Variants in PHF2 observed in about 807,000 individuals in gnomAD.
PHF2 encodes PHD finger protein 2, also known as lysine-specific demethylase PHF2.
Under a neutral mutation model 120.5 loss-of-function variants are expected in PHF2, and 27 were observed. The ratio of observed to expected loss-of-function variants is 0.22; its 90% CI spans 0.17 to 0.31. PHF2 has a LOEUF of 0.31. PHF2 is among the 10% of genes least tolerant of loss of function. The probability of loss-of-function intolerance (pLI) is 1.00; values close to 1 mark genes in which losing one functional copy is unlikely to be tolerated. For synonymous variants in PHF2, 568 were observed against 592.5 expected, an observed-to-expected ratio of 0.96 and a Z score of 0.60; for missense variants, 1,024 against 1,434.8, an observed-to-expected ratio of 0.71 and a Z score of 4.63.
intron 12 of PHF2, 83 bp downstream of exon 12, chr9:93,660,643 T>G: frequency 7.6e-7 from 1 of 1,307,686 alleles, no homozygotes; most frequent in South Asian, 1.6e-5. Context: ...TGGAGATAGC[T>G]AGGGCCCATT....
chr9:93,665,918 C>T (rs1016175316), intron 15 of PHF2, 54 bp downstream of exon 15: 19 of 1,612,036 alleles, frequency 1.2e-5, no homozygotes, highest in South Asian at 5.5e-5. Context: ...CATCCTGCCC[C>T]GGAGAGGTCT....
At position 93,656,458 on chromosome 9, in the gene PHF2, G is replaced by A. The variant is rs772196725; in HGVS notation, c.1041-31G>A. ...CAGCGTCGCCTGCTTGATGGTCAGTGCACTGAGAACTGCTCTTTGGTGGCT... is the reference window on the plus strand; with the variant it reads ...CAGCGTCGCCTGCTTGATGGTCAGTACACTGAGAACTGCTCTTTGGTGGCT... On this transcript the variant is annotated intron_variant, in intron 8 of 21. Coordinates refer to ENST00000359246, the MANE Select transcript of PHF2 (RefSeq NM_005392.4). This position sits in a 1 kb window ranked among gnomAD's most constrained non-coding sequence, Gnocchi z 4.1. The A allele has an allele frequency of 6.8e-7, 1 of 1,473,726 alleles. No individual in the cohort carries two copies. The highest frequency in any genetic ancestry group is 1.1e-5 in the South Asian group (1 of 88,166). 91.3% of individuals were successfully genotyped at this position (1,473,726 alleles called of 1,614,324 possible).
chr9:93,663,799 CAT>C (rs920966481), intron 14 of PHF2, among the ~76,000 whole-genome samples, 164 bp downstream of exon 14: 4 of 152,110 alleles, frequency 2.6e-5, no homozygotes, highest in Non-Finnish European at 5.9e-5. Flanking sequence ...CACACACAAC[CAT>C]ACACACTGCA....
chr9:93,597,661 G>C (rs1288241028), intron 1 of PHF2, among the ~76,000 whole-genome samples: 1 of 152,152 alleles, frequency 6.6e-6, no homozygotes, highest in African/African-American at 2.4e-5. Context: ...GAGGAGCCTG[G>C]TGTAGTCCTG....
chr9:93,673,949 C>T, intron 18 of PHF2, 87 bp downstream of exon 18: 1 of 1,398,630 alleles, frequency 7.1e-7, no homozygotes, highest in Non-Finnish European at 9.6e-7. Context: ...AAACATGCAG[C>T]TCTCCAAGTT....
intron 1 of PHF2, among the ~76,000 whole-genome samples, chr9:93,582,350 T>C (rs938889289): frequency 1.3e-5 from 2 of 152,148 alleles, no homozygotes; most frequent in Non-Finnish European, 2.9e-5. Flanking sequence ...GGAAATGTAG[T>C]CACAGAGGAA....
chr9:93,594,871 T>C (rs1825303217), intron 1 of PHF2: 1 of 153,718 alleles, frequency 6.5e-6, no homozygotes, highest in African/African-American at 2.4e-5. Flanking sequence ...CTATTGGTTT[T>C]AATGGCAGTT....
intron 3 of PHF2, among the ~76,000 whole-genome samples, chr9:93,641,590 C>T (rs1244433446): frequency 6.6e-6 from 1 of 152,190 alleles, no homozygotes; most frequent in Non-Finnish European, 1.5e-5. Flanking sequence ...CATGTTGGAG[C>T]TGAAACCAGA....
intron 1 of PHF2, among the ~76,000 whole-genome samples, chr9:93,597,318 C>T (rs1825353897): frequency 6.6e-6 from 1 of 152,152 alleles, no homozygotes; most frequent in African/African-American, 2.4e-5. Flanking sequence ...GGTCTTTGGT[C>T]TTAGCTTCTC....
Position 93,676,262 on chromosome 9 carries a change from C to T in PHF2, c.2833-332C>T, listed in dbSNP as rs527675712. On this transcript the variant is annotated intron_variant, in intron 20 of 21. Coordinates refer to ENST00000359246, the MANE Select transcript of PHF2 (RefSeq NM_005392.4). ...AACCAGGCCCAACCTCATCTGGGCACACAAGGAAGTTATTAGGATCAAAGT... is the reference window on the plus strand; with the variant it reads ...AACCAGGCCCAACCTCATCTGGGCATACAAGGAAGTTATTAGGATCAAAGT... Among the ~76,000 whole-genome samples the T allele has an allele frequency of 3.9e-3, 588 of 152,338 alleles. 2 individuals carry two copies. The highest frequency in any genetic ancestry group is 5.9e-3 in the Admixed American group (90 of 15,308).
At chr9:93,617,010 G>A (rs1416711423) in intron 1 of PHF2, among the ~76,000 whole-genome samples, 1 of 152,142 alleles carries the variant, frequency 6.6e-6, no homozygotes, top group Non-Finnish European at 1.5e-5. Context: ...TACATTAAAT[G>A]AATGTTCTTA....
chr9:93,669,283 C>A (rs529101112), intron 17 of PHF2, among the ~76,000 whole-genome samples: 1 of 152,314 alleles, frequency 6.6e-6, no homozygotes, highest in Non-Finnish European at 1.5e-5. Context: ...CAGGGCCTGC[C>A]AGAGGATGCA....
rs1326772432 is a variant in PHF2, at chr9:93,609,159, A to C, written c.99-20811A>C. ...CCAAGTCCTCTTTCAAATACTTAGC[A>C]CTCTATGGGTAGAGCAAGAAATAGT... On this transcript the variant is annotated intron_variant, in intron 1 of 21. Transcript: ENST00000359246. Among the ~76,000 whole-genome samples, 4 of 146,398 alleles carry C rather than the reference A, an allele frequency of 2.7e-5. No individual in the cohort carries two copies. In the East Asian group the frequency reaches 8.0e-4, roughly 29 times the overall value.
At chr9:93,648,926 C>T in intron 4 of PHF2, 145 bp from the exon 5 acceptor site, 2 of 805,424 alleles carry the variant, frequency 2.5e-6, no homozygotes, top group Non-Finnish European at 3.9e-6. Context: ...TCGACGTTGG[C>T]ACCTAGAGCC....
intron 1 of PHF2, among the ~76,000 whole-genome samples, chr9:93,599,204 A>G (rs4744257): frequency 0.69 from 104,457 of 152,062 alleles, 36,331 homozygotes; most frequent in South Asian, 0.77. Context: ...TGGGTTCCGA[A>G]GAAGGCCTGC....
intron 1 of PHF2, among the ~76,000 whole-genome samples, chr9:93,604,256 C>T (rs938059608): frequency 4.6e-5 from 7 of 151,392 alleles, no homozygotes; most frequent in Non-Finnish European, 1.0e-4. Context: ...GCTCTCGACT[C>T]CTGGGTGTGG....
In PHF2 at chr9:93,663,163, G is replaced by A. The variant is rs892312429; in HGVS notation, c.1818+137G>A. 8.0e-6 allele frequency: 10 copies of A among 1,254,190 alleles called. No homozygotes were observed. The African/African-American group carries it at 1.3e-4, about 17-fold the overall frequency. 77.7% of individuals were successfully genotyped at this position (1,254,190 alleles called of 1,614,324 possible). ...CTTGTCCTGAGTAGGTAGTGCTGTG[G>A]GGTGTGCTTACGTGGGTCTGAGGTG... On this transcript the variant is annotated intron_variant, in intron 13 of 21. Coordinates refer to ENST00000359246, the MANE Select transcript of PHF2 (RefSeq NM_005392.4).
intron 1 of PHF2, among the ~76,000 whole-genome samples, chr9:93,593,902 TA>T (rs1825281519): frequency 6.6e-6 from 1 of 152,260 alleles, no homozygotes; most frequent in African/African-American, 2.4e-5. Context: ...ACCACTTTTG[TA>T]CTTTTCTGTA....
chr9:93,605,687 C>G (rs1410931725), intron 1 of PHF2, among the ~76,000 whole-genome samples: 2 of 152,202 alleles, frequency 1.3e-5, no homozygotes, highest in Non-Finnish European at 2.9e-5. Flanking sequence ...ACTTGGGCTT[C>G]TTTTACTTAG....
Sources: gnomAD v4.1 joint callset for allele counts (sites outside exome capture counted in the v4.1 genomes callset) on GRCh38, gnomAD v4.1.1 for gene constraint, Gnocchi (gnomAD v3.1) non-coding constraint, MANE v1.5 for transcripts, NCBI Gene and HGNC (gene_info 2026-07-23, HGNC 2026-07-21) for gene names.